Variants in F13A1 observed in about 807,000 individuals in gnomAD.
F13A1 encodes the protein FSF, A subunit.
F13A1 carries 47 observed loss-of-function variants against 80.1 expected under a neutral mutation model. That is an observed-to-expected ratio of 0.59 (90% CI 0.46 to 0.75). F13A1 has a LOEUF of 0.75. F13A1 is among the 30% of genes least tolerant of loss of function. The pLI is 0.00. For synonymous variants in F13A1, 349 were observed against 344.9 expected, an observed-to-expected ratio of 1.01 and a Z score of -0.13; for missense variants, 817 against 930.4, an observed-to-expected ratio of 0.88 and a Z score of 1.59.
At chr6:6,202,307 TAA>T (rs931357838) in intron 8 of F13A1, among the ~76,000 whole-genome samples, 4 of 152,240 alleles carry the variant, frequency 2.6e-5, no homozygotes, top group African/African-American at 9.6e-5. Context: ...TCTAGATCCA[TAA>T]GAGTTTTTCT....
chr6:6,150,605 G>C (rs891517080), intron 14 of F13A1, among the ~76,000 whole-genome samples: 1 of 152,192 alleles, frequency 6.6e-6, no homozygotes, highest in African/African-American at 2.4e-5. Flanking sequence ...ACAGATTCCA[G>C]AGTGGGGTCG....
chr6:6,231,956 C>T (rs1036594036), intron 6 of F13A1, among the ~76,000 whole-genome samples: 3 of 152,098 alleles, frequency 2.0e-5, no homozygotes, highest in Non-Finnish European at 4.4e-5. Context: ...ATCCTGGAAA[C>T]ACATCAAAAC....
rs558649213 is a variant in F13A1 at position 6,250,137 on chromosome 6, C to A, written c.690+674G>T. On this transcript the variant is annotated intron_variant, in intron 5 of 14. Coordinates refer to ENST00000264870, the MANE Select transcript of F13A1 (RefSeq NM_000129.4). The surrounding 1 kb of genome is among the most constrained non-coding windows in gnomAD (Gnocchi z 4.2). The stretch of plus-strand genomic sequence containing the variant: ...ACTCCTGAGAAATGACATTCGCCCC[C>A]GCTTGTGTCGCTAATTAAAAATCAT... Among the ~76,000 whole-genome samples, 4 of 152,140 alleles carry A rather than the reference C, an allele frequency of 2.6e-5. No homozygotes were observed. The highest frequency in any genetic ancestry group is 9.7e-5 in the African/African-American group (4 of 41,424).
At chr6:6,192,810 ATGTG>A (rs894948829) in intron 10 of F13A1, among the ~76,000 whole-genome samples, 1 of 152,024 alleles carries the variant, frequency 6.6e-6, no homozygotes. Context: ...GTGTGCATGC[ATGTG>A]TGTGTGTATG....
intron 10 of F13A1, among the ~76,000 whole-genome samples, chr6:6,185,323 C>T (rs1381938290): frequency 7.1e-6 from 1 of 141,786 alleles, no homozygotes; most frequent in Non-Finnish European, 1.5e-5. Context: ...ATGATATTCC[C>T]CTTCCTGTGT....
intron 13 of F13A1, among the ~76,000 whole-genome samples, chr6:6,160,841 C>T (rs974758874): frequency 6.8e-6 from 1 of 146,584 alleles, no homozygotes; most frequent in Non-Finnish European, 1.5e-5. Context: ...GTCAATTGTC[C>T]TCATTTTAAA....
intron 6 of F13A1, among the ~76,000 whole-genome samples, chr6:6,237,280 A>T (rs1367531484): frequency 6.6e-6 from 1 of 152,114 alleles, no homozygotes; most frequent in Admixed American, 6.6e-5. Context: ...AAGGTCAAGT[A>T]CTCAGGTTAT....
At chr6:6,209,565 A>G (rs1451334122) in intron 8 of F13A1, among the ~76,000 whole-genome samples, 1 of 152,176 alleles carries the variant, frequency 6.6e-6, no homozygotes, top group Non-Finnish European at 1.5e-5. Context: ...TCATTACAAC[A>G]TTATTCATGA....
chr6:6,193,623 T>C (rs749673506), intron 10 of F13A1, among the ~76,000 whole-genome samples: 1 of 152,200 alleles, frequency 6.6e-6, no homozygotes, highest in Non-Finnish European at 1.5e-5. Flanking sequence ...GTAATTATAA[T>C]CTGCAAATCC....
chr6:6,181,541 G>A (rs891350533), intron 11 of F13A1, among the ~76,000 whole-genome samples: 3 of 152,282 alleles, frequency 2.0e-5, no homozygotes, highest in East Asian at 1.9e-4. Context: ...TATTATCTAC[G>A]TTGTAGTCTT....
intron 8 of F13A1, among the ~76,000 whole-genome samples, chr6:6,209,851 A>G (rs1198773256): frequency 6.6e-6 from 1 of 152,170 alleles, no homozygotes; most frequent in Non-Finnish European, 1.5e-5. Flanking sequence ...AGAAATGGGG[A>G]GTGACTGCTA....
intron 8 of F13A1, among the ~76,000 whole-genome samples, chr6:6,210,348 T>TATATATATATATATATATATATATA (rs1420900272): frequency 2.3e-3 from 315 of 134,436 alleles, no homozygotes; most frequent in East Asian, 3.1e-3. Flanking sequence ...TATATATATA[T>TATATATATATATATATATATATATA]TTCTTTTTTT....
intron 12 of F13A1, among the ~76,000 whole-genome samples, chr6:6,170,989 G>A (rs1329421086): frequency 6.6e-6 from 1 of 152,164 alleles, no homozygotes; most frequent in Non-Finnish European, 1.5e-5. Context: ...TGTTCCTATG[G>A]ACTCAGGCAT....
rs1352383087 is a variant in F13A1 at position 6,311,802 on chromosome 6, T to C, written c.131-6263A>G. 2.7e-5 allele frequency among the ~76,000 whole-genome samples: 4 copies of C among 145,568 alleles called. No homozygotes were observed. The East Asian group carries it at 7.8e-4, about 29-fold the overall frequency. On this transcript the variant is annotated intron_variant, in intron 2 of 14. Transcript: ENST00000264870. The stretch of plus-strand genomic sequence containing the variant: ...ATATTATTTATATCTTTATATATTA[T>C]ATATTGTTTATATATAATAGATATA...
At chr6:6,176,953 C>T (rs1039114835) in intron 11 of F13A1, among the ~76,000 whole-genome samples, 3 of 152,104 alleles carry the variant, frequency 2.0e-5, no homozygotes, top group Admixed American at 6.5e-5. Context: ...CCTCTGTGAG[C>T]GGAGACCGCC....
At chr6:6,178,300 G>A (rs1760919959) in intron 11 of F13A1, among the ~76,000 whole-genome samples, 1 of 152,126 alleles carries the variant, frequency 6.6e-6, no homozygotes, top group Non-Finnish European at 1.5e-5. Context: ...TATGTGTCAG[G>A]CACTATATTA....
Position 6,171,002 on chromosome 6 carries a change from G to C in F13A1, c.1748-3384C>G, listed in dbSNP as rs1057072095. On this transcript the variant is annotated intron_variant, in intron 12 of 14. Coordinates refer to ENST00000264870, the MANE Select transcript of F13A1 (RefSeq NM_000129.4). Reference sequence around the variant, plus strand: ...TGTGTTCCTATGGACTCAGGCATAGGTTTGGTCAGCTGTCCCTAGGTCGAT... The same window carrying C: ...TGTGTTCCTATGGACTCAGGCATAGCTTTGGTCAGCTGTCCCTAGGTCGAT... Among the ~76,000 whole-genome samples, 4 of 152,242 alleles carry C rather than the reference G, an allele frequency of 2.6e-5. No homozygotes were observed. The South Asian group carries it at 8.3e-4, about 32-fold the overall frequency.
At chr6:6,188,864 C>A in intron 10 of F13A1, among the ~76,000 whole-genome samples, 1 of 73,900 alleles carries the variant, frequency 1.4e-5, no homozygotes, top group Non-Finnish European at 2.4e-5. Context: ...ATCTAAGTCT[C>A]TTTGTAGGTC....
intron 4 of F13A1, among the ~76,000 whole-genome samples, chr6:6,255,302 A>G (rs1055704148): frequency 1.3e-5 from 2 of 152,160 alleles, no homozygotes; most frequent in Admixed American, 6.5e-5. Context: ...CTTTATAACA[A>G]GACACATGAA....
Sources: allele counts gnomAD v4.1 joint callset (sites outside exome capture counted in the v4.1 genomes callset), GRCh38; gene constraint gnomAD v4.1.1; non-coding constraint Gnocchi (gnomAD v3.1); transcripts MANE v1.5; gene names NCBI Gene and HGNC (gene_info 2026-07-23, HGNC 2026-07-21).